The following ADRA2B variants were observed in gnomAD, a reference collection of about 807,000 sequenced individuals.
ADRA2B encodes the protein alpha-2B adrenergic receptor.
In ADRA2B, 14 loss-of-function variants were observed where a neutral mutation model predicts 14.4. That is an observed-to-expected ratio of 0.97 (90% CI 0.64 to 1.52). ADRA2B has a LOEUF of 1.52. ADRA2B is among the 40% of genes most tolerant of loss of function. ADRA2B has a pLI of 0.00. For synonymous variants in ADRA2B, 250 were observed against 263.7 expected, an observed-to-expected ratio of 0.95 and a Z score of 0.50; for missense variants, 606 against 603.2, an observed-to-expected ratio of 1.00 and a Z score of -0.05.
rs902492443 is a variant in ADRA2B at position 96,115,616 on chromosome 2, G to C, written c.534C>G (p.Ile178Met). 1 of 1,613,776 alleles carries C rather than the reference G, an allele frequency of 6.2e-7. No homozygotes were observed. Among genetic ancestry groups the C allele is most frequent in the African/African-American group, 1.3e-5 (1 of 74,954 alleles). The change falls in exon 1 of 1, where the codon ATC (isoleucine) becomes ATG (methionine). Residue 178 changes from isoleucine to methionine, a missense_variant. Physicochemically the swap from Ile to Met is conservative, Grantham distance 10. Coordinates refer to ENST00000620793, the MANE Select transcript of ADRA2B (RefSeq NM_000682.7). The part of the protein sequence containing the change: ...QEAWYILASS[I>M]GSFFAPCLIM... ...TGAGGCAAGGAGCAAAGAAAGATCC[G>C]ATGCTGGAGGCCAGGATGTACCAGG...
chr2:96,115,252 C>A lies in ADRA2B; in HGVS notation c.898G>T (p.Glu300Ter). ...TCCTCCTCCTCCTCCTCCTCTTCCT[C>A]CTCTTCAGCTTCATCCTCTGGAGAT... ...GASPEDEAEE[E>*]EEEEEEEEEC... Residue 300 changes from glutamate to a stop codon, truncating the protein, a stop_gained, in exon 1 of 1, where the codon GAG becomes TAG. Coordinates refer to ENST00000620793, the MANE Select transcript of ADRA2B (RefSeq NM_000682.7). LOFTEE classifies it high-confidence loss of function. 6.4e-7 allele frequency: 1 copy of A among 1,560,900 alleles called. No homozygotes were observed. The highest frequency in any genetic ancestry group is 8.7e-7 in the Non-Finnish European group (1 of 1,151,626).
rs1417230588 is a variant in ADRA2B at position 96,116,408 on chromosome 2, T to C, written c.-259A>G. 6.6e-6 allele frequency among the ~76,000 whole-genome samples: 1 copy of C among 152,032 alleles called. No homozygotes were observed. Among genetic ancestry groups the C allele is most frequent in the African/African-American group, 2.4e-5 (1 of 41,388 alleles). On this transcript the variant is annotated 5_prime_UTR_variant, in exon 1 of 1. Coordinates refer to ENST00000620793, the MANE Select transcript of ADRA2B (RefSeq NM_000682.7). ...AGTTTCCCAAGTTGTCCCGCCGCCG[T>C]CCCCGTCCCGCCCGGGACCGGAGAA...
rs546124409 is a variant in ADRA2B at position 96,114,847 on chromosome 2, G to A, written c.1303C>T (p.Arg435Cys). The A allele has an allele frequency of 3.5e-5, 56 of 1,613,904 alleles. No homozygotes were observed. In the East Asian group the frequency reaches 4.2e-4, roughly 12 times the overall value. ...IYTIFNQDFR[R>C]AFRRILCRPW... ...CGGCACAGGATCCTCCGGAAGGCACGGCGGAAGTCCTGGTTGAAGATGGTG... is the reference window on the plus strand; with the variant it reads ...CGGCACAGGATCCTCCGGAAGGCACAGCGGAAGTCCTGGTTGAAGATGGTG... Residue 435 changes from arginine to cysteine, a missense_variant, in exon 1 of 1, where the codon CGT becomes TGT. By Grantham distance (180) the Arg-to-Cys change is radical. Transcript: ENST00000620793.
chr2:96,116,027 G>A lies in ADRA2B; in HGVS notation c.123C>T (p.Arg41=). ...ACAGGTTCTGAGGGGCGCGCAGCGA[G>A]CGGCTGGTCAACACAGCCAGGATGA... The part of the protein sequence containing the change: ...ALVILAVLTS[R]SLRAPQNLFL... The change falls in exon 1 of 1, where the codon CGC becomes CGT. Residue 41 remains arginine, a synonymous_variant. Transcript: ENST00000620793. 6.2e-7 allele frequency: 1 copy of A among 1,613,608 alleles called. No homozygotes were observed. The highest frequency in any genetic ancestry group is 1.3e-5 in the African/African-American group (1 of 75,068).
In ADRA2B at chr2:96,114,340, G is replaced by A; in HGVS notation, c.*457C>T. 1.0e-6 allele frequency: 1 copy of A among 995,698 alleles called. No individual in the cohort carries two copies. Among genetic ancestry groups the A allele is most frequent in the Non-Finnish European group, 1.2e-6 (1 of 835,584 alleles). The allele number at this position is 995,698 out of a possible 1,614,324, so 61.7% of individuals were successfully genotyped here. ...CTCCCCCTCAGCAGCAGGCCCCACT[G>A]GGAAAAGTGGAAGGCTGGCTCCGTG... On this transcript the variant is annotated 3_prime_UTR_variant, in exon 1 of 1. Transcript: ENST00000620793.
chr2:96,115,241 CTCCTCT>C lies in ADRA2B; in HGVS notation c.903_908del (p.Glu308_Glu309del), dbSNP rs34667759. On this transcript the variant is annotated inframe_deletion, in exon 1 of 1. Transcript: ENST00000620793. The stretch of plus-strand genomic sequence containing the variant: ...GTTCACACTCTTCCTCCTCCTCCTC[CTCCTCT>C]TCCTCCTCTTCAGCTTCATCCTCTG... 3.2e-5 allele frequency: 24 copies of C among 740,010 alleles called. No individual in the cohort carries two copies. The highest frequency in any genetic ancestry group is 4.2e-5 in the Non-Finnish European group (22 of 524,562). The allele number at this position is 740,010 out of a possible 1,614,324, so 45.8% of individuals were successfully genotyped here. A position where few individuals can be genotyped will look rare whatever the true frequency, so the allele number is the denominator to read the frequency against.
chr2:96,114,056 T>TG lies in ADRA2B; in HGVS notation c.*740dup, dbSNP rs1573902348. ...GATTTTTGCAGGGGGTGAATGCCAG[T>TG]GATCGGGGATCTCCCGTCGAGGCAG... is the stretch of plus-strand genomic sequence containing the variant. On this transcript the variant is annotated 3_prime_UTR_variant, in exon 1 of 1. Transcript: ENST00000620793. 8 of 985,860 alleles carry TG rather than the reference T, an allele frequency of 8.1e-6. No homozygotes were observed. The highest frequency in any genetic ancestry group is 7.2e-6 in the Non-Finnish European group (6 of 829,964). The allele number at this position is 985,860 out of a possible 1,614,324, so 61.1% of individuals were successfully genotyped here. A position where few individuals can be genotyped will look rare whatever the true frequency, so the allele number is the denominator to read the frequency against.
Position 96,114,347 on chromosome 2 carries a change from G to A in ADRA2B, c.*450C>T. ...TCAGCAGCAGGCCCCACTGGGAAAA[G>A]TGGAAGGCTGGCTCCGTGCTCTTTG... is the stretch of plus-strand genomic sequence containing the variant. On this transcript the variant is annotated 3_prime_UTR_variant, in exon 1 of 1. Coordinates refer to ENST00000620793, the MANE Select transcript of ADRA2B (RefSeq NM_000682.7). 1 of 996,086 alleles carries A rather than the reference G, an allele frequency of 1.0e-6. No individual in the cohort carries two copies. The highest frequency in any genetic ancestry group is 1.2e-6 in the Non-Finnish European group (1 of 835,848). 61.7% of individuals were successfully genotyped at this position (996,086 alleles called of 1,614,324 possible). A position where few individuals can be genotyped will look rare whatever the true frequency, so the allele number is the denominator to read the frequency against.
chr2:96,116,225 C>T lies in ADRA2B; in HGVS notation c.-76G>A. 1.5e-6 allele frequency: 2 copies of T among 1,370,950 alleles called. No homozygotes were observed. The highest frequency in any genetic ancestry group is 2.0e-6 in the Non-Finnish European group (2 of 983,312). The allele number at this position is 1,370,950 out of a possible 1,614,324, so 84.9% of individuals were successfully genotyped here. Reference sequence around the variant, plus strand: ...TGGACGACAGCGCTGCCCGGCTCGGCTAGACAAGAGCGTCGCCCCTCGGGC... The same window carrying T: ...TGGACGACAGCGCTGCCCGGCTCGGTTAGACAAGAGCGTCGCCCCTCGGGC... On this transcript the variant is annotated 5_prime_UTR_variant, in exon 1 of 1. The change abolishes the stop of an existing upstream ORF in the 5' untranslated region. Transcript: ENST00000620793.
At position 96,115,626 on chromosome 2, in the gene ADRA2B, G is replaced by A. The variant is rs1210766932; in HGVS notation, c.524C>T (p.Ala175Val). Reference sequence around the variant, plus strand: ...AGCAAAGAAAGATCCGATGCTGGAGGCCAGGATGTACCAGGCCTCCTGGTT... The same window carrying A: ...AGCAAAGAAAGATCCGATGCTGGAGACCAGGATGTACCAGGCCTCCTGGTT... ...KLNQEAWYIL[A>V]SSIGSFFAPC... is the part of the protein sequence containing the mutation. The change falls in exon 1 of 1, where the codon GCC becomes GTC. Residue 175 changes from alanine to valine, a missense_variant. Coordinates refer to ENST00000620793, the MANE Select transcript of ADRA2B (RefSeq NM_000682.7). The A allele has an allele frequency of 3.1e-6, 5 of 1,613,766 alleles. No individual in the cohort carries two copies. Among genetic ancestry groups the A allele is most frequent in the Non-Finnish European group, 4.2e-6 (5 of 1,179,896 alleles).
rs4907299 is a variant in ADRA2B at position 96,114,374 on chromosome 2, G to A, written c.*423C>T. 6.3e-5 allele frequency: 63 copies of A among 998,256 alleles called. No homozygotes were observed. The highest frequency in any genetic ancestry group is 7.3e-5 in the Non-Finnish European group (61 of 837,354). 61.8% of individuals were successfully genotyped at this position (998,256 alleles called of 1,614,324 possible). Reference sequence around the variant, plus strand: ...GGAAGGCTGGCTCCGTGCTCTTTGTGGGTGGGGGGGAGATGAAAAAGAAAC... The same window carrying A: ...GGAAGGCTGGCTCCGTGCTCTTTGTAGGTGGGGGGGAGATGAAAAAGAAAC... On this transcript the variant is annotated 3_prime_UTR_variant, in exon 1 of 1. Coordinates refer to ENST00000620793, the MANE Select transcript of ADRA2B (RefSeq NM_000682.7).
Position 96,113,384 on chromosome 2 carries a change from A to G in ADRA2B, c.*1413T>C, listed in dbSNP as rs904688078. 2 of 377,982 alleles carry G rather than the reference A, an allele frequency of 5.3e-6. No individual in the cohort carries two copies. The highest frequency in any genetic ancestry group is 4.2e-5 in the African/African-American group (2 of 48,104). The allele number at this position is 377,982 out of a possible 1,614,324, so 23.4% of individuals were successfully genotyped here. A position where few individuals can be genotyped will look rare whatever the true frequency, so the allele number is the denominator to read the frequency against. ...GTCCTCAATGCACAGCCCCATCAGC[A>G]TTGCGGGGAGCAGCGTGGCTGGGTC... On this transcript the variant is annotated 3_prime_UTR_variant, in exon 1 of 1. Coordinates refer to ENST00000620793, the MANE Select transcript of ADRA2B (RefSeq NM_000682.7).
rs927456848 is a variant in ADRA2B at position 96,114,030 on chromosome 2, C to T, written c.*767G>A. The T allele has an allele frequency of 3.1e-5, 31 of 985,746 alleles. No individual in the cohort carries two copies. The highest frequency in any genetic ancestry group is 7.0e-5 in the African/African-American group (4 of 57,248). 61.1% of individuals were successfully genotyped at this position (985,746 alleles called of 1,614,324 possible). A position where few individuals can be genotyped will look rare whatever the true frequency, so the allele number is the denominator to read the frequency against. Reference sequence around the variant, plus strand: ...AGTAGGCAGTGAGCTATTGTCGCCCCGATTTTTGCAGGGGGTGAATGCCAG... The same window carrying T: ...AGTAGGCAGTGAGCTATTGTCGCCCTGATTTTTGCAGGGGGTGAATGCCAG... On this transcript the variant is annotated 3_prime_UTR_variant, in exon 1 of 1. Transcript: ENST00000620793.
At position 96,116,492 on chromosome 2, in the gene ADRA2B, C is replaced by T. The variant is rs1193024461; in HGVS notation, c.-343G>A. Among the ~76,000 whole-genome samples the T allele has an allele frequency of 6.6e-6, 1 of 151,882 alleles. No homozygotes were observed. The highest frequency in any genetic ancestry group is 1.9e-4 in the East Asian group (1 of 5,140). ...CTCTGGGGGCGCGGGCCGGGCTGGG[C>T]CGGTTCTTAAAGGAGGCGCGGAGGA... On this transcript the variant is annotated 5_prime_UTR_variant, in exon 1 of 1. Transcript: ENST00000620793.
In ADRA2B at chr2:96,113,413, GGC is replaced by G; in HGVS notation, c.*1382_*1383del. The G allele has an allele frequency of 2.9e-6, 1 of 347,630 alleles. No individual in the cohort carries two copies. Among genetic ancestry groups the G allele is most frequent in the East Asian group, 4.2e-5 (1 of 23,548 alleles). The allele number at this position is 347,630 out of a possible 1,614,324, so 21.5% of individuals were successfully genotyped here. A position where few individuals can be genotyped will look rare whatever the true frequency, so the allele number is the denominator to read the frequency against. ...CGGGGAGCAGCGTGGCTGGGTCCGA[GGC>G]AGTCCACAAGCACCCACCTGGGGGG... is the stretch of plus-strand genomic sequence containing the variant. On this transcript the variant is annotated 3_prime_UTR_variant, in exon 1 of 1. Transcript: ENST00000620793.
Position 96,115,732 on chromosome 2 carries a change from C to G in ADRA2B, c.418G>C (p.Ala140Pro). 2 of 1,613,126 alleles carry G rather than the reference C, an allele frequency of 1.2e-6. No individual in the cohort carries two copies. The highest frequency in any genetic ancestry group is 1.7e-6 in the Non-Finnish European group (2 of 1,179,648). ...AGGGGCGGCAGCGAGATGACGGCGG[C>G]GATGAGCCACACAGTGAGGATGATG... Reference protein sequence around the residue: ...KCIILTVWLIAAVISLPPLIY... With the variant: ...KCIILTVWLIPAVISLPPLIY... Residue 140 changes from alanine to proline, a missense_variant, in exon 1 of 1, where the codon GCC becomes CCC. Coordinates refer to ENST00000620793, the MANE Select transcript of ADRA2B (RefSeq NM_000682.7).
chr2:96,113,421 A>G lies in ADRA2B; in HGVS notation c.*1376T>C, dbSNP rs1258326496. 3.0e-6 allele frequency: 1 copy of G among 335,732 alleles called. No individual in the cohort carries two copies. The highest frequency in any genetic ancestry group is 5.3e-6 in the Non-Finnish European group (1 of 187,188). The allele number at this position is 335,732 out of a possible 1,614,324, so 20.8% of individuals were successfully genotyped here. ...AGCGTGGCTGGGTCCGAGGCAGTCC[A>G]CAAGCACCCACCTGGGGGGATCAGT... On this transcript the variant is annotated 3_prime_UTR_variant, in exon 1 of 1. Transcript: ENST00000620793.
In ADRA2B at chr2:96,115,936, T is replaced by A. The variant is rs1392920283; in HGVS notation, c.214A>T (p.Asn72Tyr). The A allele has an allele frequency of 1.2e-6, 2 of 1,613,786 alleles. No individual in the cohort carries two copies. The highest frequency in any genetic ancestry group is 1.7e-6 in the Non-Finnish European group (2 of 1,179,912). Residue 72 changes from asparagine (N) to tyrosine (Y), a missense_variant, in exon 1 of 1, where the codon AAC (asparagine) becomes TAC (tyrosine). Physicochemically the swap from Asn to Tyr is moderately radical, Grantham distance 143. Transcript: ENST00000620793. ...AAGTACCAGTAGCCCAGCAGCTCGT[T>A]GGCCAGCGAGAAAGGGATGATGAGC... ...ATLIIPFSLA[N>Y]ELLGYWYFRR... is the part of the protein sequence containing the mutation.
Position 96,113,028 on chromosome 2 carries a change from C to T in ADRA2B, c.*1769G>A, listed in dbSNP as rs1203321637. The T allele has an allele frequency of 5.0e-5, 20 of 398,090 alleles. No individual in the cohort carries two copies. The highest frequency in any genetic ancestry group is 8.9e-5 in the Non-Finnish European group (20 of 225,908). 24.7% of individuals were successfully genotyped at this position (398,090 alleles called of 1,614,324 possible). A position where few individuals can be genotyped will look rare whatever the true frequency, so the allele number is the denominator to read the frequency against. Reference sequence around the variant, plus strand: ...GGCCAGCAGAGGGTCACAGTCAGTCCCTCTCCTGGCCCAGCTCCCCACCAC... The same window carrying T: ...GGCCAGCAGAGGGTCACAGTCAGTCTCTCTCCTGGCCCAGCTCCCCACCAC... On this transcript the variant is annotated 3_prime_UTR_variant, in exon 1 of 1. Transcript: ENST00000620793.
Sources: gnomAD v4.1 joint callset for allele counts (sites outside exome capture counted in the v4.1 genomes callset) on GRCh38, gnomAD v4.1.1 for gene constraint, MANE v1.5 for transcripts, NCBI Gene and HGNC (gene_info 2026-07-23, HGNC 2026-07-21) for gene names.